The following GAP43 variants were observed in gnomAD, a reference collection of about 807,000 sequenced individuals.
GAP43 encodes neuromodulin.
In GAP43, 6 loss-of-function variants were observed where a neutral mutation model predicts 18.6. The observed-to-expected ratio is 0.32, with a 90% CI of 0.18 to 0.64. GAP43 has a LOEUF of 0.64. Among genes scored for constraint, GAP43 ranks in the 30% least tolerant of loss-of-function variants. The pLI is 0.78. For synonymous variants in GAP43, 115 were observed against 111.4 expected (o/e 1.03, Z -0.20); for missense variants, 292 against 295.5 (o/e 0.99, Z 0.09).
chr3:115,637,974 T>A (rs1341834690), intron 1 of GAP43, among the ~76,000 whole-genome samples: 1 of 151,994 alleles, frequency 6.6e-6, no homozygotes, highest in East Asian at 1.9e-4. Flanking sequence ...CTCAAAAATA[T>A]GTCATTCATG....
At chr3:115,645,908 T>G (rs1708452996) in intron 1 of GAP43, among the ~76,000 whole-genome samples, 2 of 152,050 alleles carry the variant, frequency 1.3e-5, no homozygotes, top group South Asian at 4.1e-4. Context: ...CACAAAACTC[T>G]TAACTCCGGA....
rs533827342 is a variant in GAP43, at chr3:115,623,588, G to A, written c.-102G>A. Reference sequence around the variant, plus strand: ...AGAGAGAGCGCGCTAGCGCGAGAGAGCGAGTGAGCAAGCGAGCAGAAAAGA... The same window carrying A: ...AGAGAGAGCGCGCTAGCGCGAGAGAACGAGTGAGCAAGCGAGCAGAAAAGA... On this transcript the variant is annotated 5_prime_UTR_variant, in exon 1 of 3. Coordinates refer to ENST00000305124, the MANE Select transcript of GAP43 (RefSeq NM_002045.4). 6.8e-7 allele frequency: 1 copy of A among 1,469,802 alleles called. No homozygotes were observed. The highest frequency in any genetic ancestry group is 1.2e-5 in the South Asian group (1 of 86,704). 91.0% of individuals were successfully genotyped at this position (1,469,802 alleles called of 1,614,324 possible).
intron 2 of GAP43, among the ~76,000 whole-genome samples, chr3:115,683,121 ATG>A (rs1491453976): frequency 1.4e-4 from 10 of 69,014 alleles, no homozygotes; most frequent in Admixed American, 1.0e-3. Flanking sequence ...CTCTACATAC[ATG>A]TGCGCGCGCG....
chr3:115,661,599 CT>C (rs1708659833), intron 1 of GAP43, among the ~76,000 whole-genome samples: 1 of 152,170 alleles, frequency 6.6e-6, no homozygotes, highest in African/African-American at 2.4e-5. Context: ...CGCCGTTCTC[CT>C]GTCTCAGCCT....
intron 2 of GAP43, among the ~76,000 whole-genome samples, chr3:115,684,966 T>A (rs2107354073): frequency 6.6e-6 from 1 of 152,364 alleles, no homozygotes; most frequent in African/African-American, 2.4e-5. Context: ...CAGGTCATAA[T>A]TCTGCAGCAG....
chr3:115,694,492 T>C (rs1209393427), intron 2 of GAP43, among the ~76,000 whole-genome samples: 3 of 152,220 alleles, frequency 2.0e-5, no homozygotes, highest in African/African-American at 7.2e-5. Flanking sequence ...CCGATGATGA[T>C]CAAAATACAG....
chr3:115,658,831 C>T (rs1281089034), intron 1 of GAP43: 2 of 152,394 alleles, frequency 1.3e-5, no homozygotes, highest in African/African-American at 2.4e-5. Context: ...CCCCAGGTCT[C>T]TCCGCGGGAG....
chr3:115,659,581 C>A (rs1576985426), intron 1 of GAP43, among the ~76,000 whole-genome samples: 1 of 151,906 alleles, frequency 6.6e-6, no homozygotes, highest in Admixed American at 6.6e-5. Flanking sequence ...GGCTTCAGGT[C>A]CACATGAAAG....
chr3:115,631,050 A>G (rs1265707676), intron 1 of GAP43, among the ~76,000 whole-genome samples: 1 of 152,160 alleles, frequency 6.6e-6, no homozygotes, highest in African/African-American at 2.4e-5. Context: ...GCTCAGCTCT[A>G]TTGGTCCCCC....
In GAP43 at chr3:115,623,795, T is replaced by C. The variant is rs76382208; in HGVS notation, c.30+76T>C. 12 of 1,477,150 alleles carry C rather than the reference T, an allele frequency of 8.1e-6. No homozygotes were observed. The East Asian group carries it at 2.5e-4, about 31-fold the overall frequency. The allele number at this position is 1,477,150 out of a possible 1,614,324, so 91.5% of individuals were successfully genotyped here. A position where few individuals can be genotyped will look rare whatever the true frequency, so the allele number is the denominator to read the frequency against. ...AGTATTTCCCCGTAAAGGCAAACAATTTTTTTACTGCTTCTGCTCTGGCCG... is the reference window on the plus strand; with the variant it reads ...AGTATTTCCCCGTAAAGGCAAACAACTTTTTTACTGCTTCTGCTCTGGCCG... On this transcript the variant is annotated intron_variant, in intron 1 of 2. Coordinates refer to ENST00000305124, the MANE Select transcript of GAP43 (RefSeq NM_002045.4).
At chr3:115,711,619 G>A (rs1008919957) in intron 2 of GAP43, among the ~76,000 whole-genome samples, 4 of 151,972 alleles carry the variant, frequency 2.6e-5, no homozygotes, top group Non-Finnish European at 5.9e-5. Context: ...TTCTTGTCAT[G>A]GCATTTCTCA....
intron 1 of GAP43, among the ~76,000 whole-genome samples, chr3:115,628,956 C>A (rs1452474127): frequency 6.6e-6 from 1 of 152,166 alleles, no homozygotes; most frequent in Non-Finnish European, 1.5e-5. Flanking sequence ...GTACAAAACC[C>A]AACTCAGTGT....
chr3:115,632,130 A>G (rs1490375499), intron 1 of GAP43, among the ~76,000 whole-genome samples: 1 of 151,566 alleles, frequency 6.6e-6, no homozygotes, highest in Admixed American at 6.6e-5. Context: ...TTTCTTCTCC[A>G]TTTGCTAAGT....
At chr3:115,632,715 T>A (rs1163841287) in intron 1 of GAP43, among the ~76,000 whole-genome samples, 1 of 152,100 alleles carries the variant, frequency 6.6e-6, no homozygotes, top group Non-Finnish European at 1.5e-5. Flanking sequence ...CATAAAAAAA[T>A]TAGTATTGTA....
chr3:115,661,661 C>T (rs965340958), intron 1 of GAP43, among the ~76,000 whole-genome samples: 2 of 151,638 alleles, frequency 1.3e-5, no homozygotes, highest in African/African-American at 2.4e-5. Flanking sequence ...GCTAATTTTT[C>T]GTATTTTTAG....
intron 2 of GAP43, among the ~76,000 whole-genome samples, chr3:115,701,906 A>AGTT (rs1355591501): frequency 1.3e-5 from 2 of 152,146 alleles, no homozygotes; most frequent in African/African-American, 2.4e-5. Flanking sequence ...GTATTAGTAC[A>AGTT]GTTCCTATTT....
chr3:115,691,966 C>T (rs936829563), intron 2 of GAP43, among the ~76,000 whole-genome samples: 1 of 152,176 alleles, frequency 6.6e-6, no homozygotes, highest in African/African-American at 2.4e-5. Flanking sequence ...TTCAATCCTA[C>T]AGTCTTAGAC....
At chr3:115,693,936 G>A (rs921703483) in intron 2 of GAP43, among the ~76,000 whole-genome samples, 1 of 152,162 alleles carries the variant, frequency 6.6e-6, no homozygotes, top group African/African-American at 2.4e-5. Flanking sequence ...TTGAAAAACT[G>A]CAGGCTCCAC....
chr3:115,698,287 A>ATATATATTATATATAAAATATATATAAT (rs1709247656), intron 2 of GAP43, among the ~76,000 whole-genome samples: 1 of 37,858 alleles, frequency 2.6e-5, no homozygotes, highest in African/African-American at 7.9e-5. Flanking sequence ...ATATAAATAT[A>ATATATATTATATATAAAATATATATAAT]ATATATATAT....
Sources: gnomAD v4.1 joint callset for allele counts (sites outside exome capture counted in the v4.1 genomes callset) on GRCh38, gnomAD v4.1.1 for gene constraint, MANE v1.5 for transcripts, NCBI Gene and HGNC (gene_info 2026-07-23, HGNC 2026-07-21) for gene names.